HEMK2: variants seen among roughly 807,000 people sequenced by gnomAD.
HEMK2 encodes the protein methyltransferase HEMK2.
the HEMK2 span, among the ~76,000 whole-genome samples, chr21:28,687,103 T>C: frequency 3.9e-5 from 6 of 152,214 alleles, no homozygotes; most frequent in African/African-American, 1.4e-4. Flanking sequence ...TCTCACATTA[T>C]ACCCCCTGCC....
the HEMK2 span, among the ~76,000 whole-genome samples, chr21:28,683,705 G>A: frequency 6.6e-6 from 1 of 152,024 alleles, no homozygotes; most frequent in South Asian, 2.1e-4. Context: ...CAGTGTTAGC[G>A]ATTATGAAAA....
the HEMK2 span, among the ~76,000 whole-genome samples, chr21:28,617,873 C>T: frequency 6.6e-6 from 1 of 151,764 alleles, no homozygotes; most frequent in Non-Finnish European, 1.5e-5. Flanking sequence ...ACTGCAGCCT[C>T]GACTTCCTAG....
the HEMK2 span, among the ~76,000 whole-genome samples, chr21:28,689,035 A>G: frequency 3.3e-5 from 5 of 152,346 alleles, no homozygotes; most frequent in East Asian, 9.6e-4. Context: ...GGCCTTGTAC[A>G]GGGAGAGTCT....
At chr21:28,883,814 G>C in the HEMK2 span, among the ~76,000 whole-genome samples, 5 of 151,946 alleles carry the variant, frequency 3.3e-5, no homozygotes, top group Admixed American at 6.6e-5. Context: ...TTAACTCCTG[G>C]GCTTGCTCAA....
chr21:28,844,711 G>T, the HEMK2 span, among the ~76,000 whole-genome samples: 3 of 152,090 alleles, frequency 2.0e-5, no homozygotes, highest in African/African-American at 7.2e-5. Context: ...ATCACCACCA[G>T]TAGTATTTAT....
the HEMK2 span, among the ~76,000 whole-genome samples, chr21:28,747,299 G>A: frequency 1.3e-5 from 2 of 152,166 alleles, no homozygotes; most frequent in Non-Finnish European, 2.9e-5. Context: ...CTGTTTGACC[G>A]CAGTCCAGCT....
At chr21:28,697,567 G>A in the HEMK2 span, among the ~76,000 whole-genome samples, 1 of 152,136 alleles carries the variant, frequency 6.6e-6, no homozygotes, top group African/African-American at 2.4e-5. Context: ...GTTCCAGCGT[G>A]TCTTCAGAGT....
At chr21:28,874,841 T>C in the HEMK2 span, 2 of 152,234 alleles carry the variant, frequency 1.3e-5, no homozygotes, top group African/African-American at 2.4e-5. Flanking sequence ...GGCCTATGAA[T>C]TGGCATATAA....
the HEMK2 span, among the ~76,000 whole-genome samples, chr21:28,824,023 T>A: frequency 1.3e-5 from 2 of 152,194 alleles, no homozygotes; most frequent in African/African-American, 2.4e-5. Flanking sequence ...TTTTATAAGC[T>A]TCTCCCAAAT....
the HEMK2 span, among the ~76,000 whole-genome samples, chr21:28,793,738 A>C: frequency 2.6e-5 from 4 of 152,190 alleles, no homozygotes; most frequent in Non-Finnish European, 5.9e-5. Flanking sequence ...ATCATCCTGG[A>C]TTATCCAGGT....
the HEMK2 span, among the ~76,000 whole-genome samples, chr21:28,627,570 C>G: frequency 6.6e-6 from 1 of 152,120 alleles, no homozygotes; most frequent in African/African-American, 2.4e-5. Flanking sequence ...CTAAAATTAA[C>G]ATAAGTCAGG....
chr21:28,816,072 A>T, the HEMK2 span, among the ~76,000 whole-genome samples: 4 of 152,218 alleles, frequency 2.6e-5, no homozygotes, highest in East Asian at 7.8e-4. Flanking sequence ...GTGAAGAGGC[A>T]GCAAGAGATG....
chr21:28,704,410 G>A, the HEMK2 span, among the ~76,000 whole-genome samples: 8 of 152,064 alleles, frequency 5.3e-5, no homozygotes, highest in Non-Finnish European at 1.0e-4. Context: ...CTTTTTTTAC[G>A]TCCTGGTAGA....
At chr21:28,591,429 C>T in the HEMK2 span, among the ~76,000 whole-genome samples, 2 of 152,000 alleles carry the variant, frequency 1.3e-5, no homozygotes, top group East Asian at 3.9e-4. Context: ...AAGGTGGTGA[C>T]TTTGAAGAAT....
chr21:28,777,191 G>A, the HEMK2 span, among the ~76,000 whole-genome samples: 2 of 152,122 alleles, frequency 1.3e-5, no homozygotes, highest in African/African-American at 4.8e-5. Context: ...TTATGATATG[G>A]CAATGAAGCA....
chr21:28,593,418 C>G, the HEMK2 span, among the ~76,000 whole-genome samples: 1 of 152,164 alleles, frequency 6.6e-6, no homozygotes, highest in Non-Finnish European at 1.5e-5. Context: ...AGTATGTACA[C>G]CTATATTTTC....
the HEMK2 span, among the ~76,000 whole-genome samples, chr21:28,651,554 T>C: frequency 6.6e-6 from 1 of 152,234 alleles, no homozygotes; most frequent in Non-Finnish European, 1.5e-5. Context: ...TAAGTTGCAA[T>C]TTGAGTTCAA....
the HEMK2 span, among the ~76,000 whole-genome samples, chr21:28,620,656 T>TTTTC: frequency 8.2e-6 from 1 of 121,296 alleles, no homozygotes; most frequent in Non-Finnish European, 1.7e-5. Context: ...TTCTTCTCTC[T>TTTTC]TTTCTTTTTT....
the HEMK2 span, among the ~76,000 whole-genome samples, chr21:28,686,926 A>T: frequency 1.3e-5 from 2 of 152,268 alleles, no homozygotes; most frequent in Non-Finnish European, 2.9e-5. Context: ...TAATTTCATC[A>T]GTGAGAGCCA....
Sources: allele counts gnomAD v4.1 joint callset (sites outside exome capture counted in the v4.1 genomes callset), GRCh38; gene constraint gnomAD v4.1.1; transcripts MANE v1.5; gene names NCBI Gene and HGNC (gene_info 2026-07-23, HGNC 2026-07-21).